The following LARP4B variants were observed in gnomAD, a reference collection of about 807,000 sequenced individuals.
LARP4B encodes the protein La ribonucleoprotein 4B.
LARP4B carries 12 observed loss-of-function variants against 89.8 expected under a neutral mutation model. That is an observed-to-expected ratio of 0.13 (90% CI 0.09 to 0.22). LARP4B has a LOEUF of 0.22. LARP4B is among the 10% of genes least tolerant of loss of function. LARP4B has a pLI of 1.00. For synonymous variants in LARP4B, 367 were observed against 363.3 expected, an observed-to-expected ratio of 1.01 and a Z score of -0.12; for missense variants, 757 against 947.7, an observed-to-expected ratio of 0.80 and a Z score of 2.64.
intron 1 of LARP4B, among the ~76,000 whole-genome samples, chr10:919,713 G>T (rs1399653543): frequency 6.6e-6 from 1 of 152,242 alleles, no homozygotes; most frequent in Non-Finnish European, 1.5e-5. Flanking sequence ...ACACAAAGGT[G>T]ACGGGTATGA....
chr10:825,666 C>A, intron 12 of LARP4B, 98 bp downstream of exon 12: 1 of 774,876 alleles, frequency 1.3e-6, no homozygotes, highest in Non-Finnish European at 2.1e-6. Context: ...GTGGCTCTGT[C>A]TGCGAGGAGC....
intron 1 of LARP4B, among the ~76,000 whole-genome samples, chr10:912,759 G>A (rs145984232): frequency 2.2e-3 from 336 of 151,724 alleles, no homozygotes; most frequent in African/African-American, 7.3e-3. Flanking sequence ...GCATGGTGGC[G>A]TGCGCCTGTG....
chr10:961,060 G>A, the LARP4B span, among the ~76,000 whole-genome samples: 5 of 152,244 alleles, frequency 3.3e-5, no homozygotes, highest in African/African-American at 7.2e-5. Flanking sequence ...ACTGATGCCT[G>A]CTGGAGTGTG....
chr10:888,385 T>A (rs1031195016), intron 1 of LARP4B, among the ~76,000 whole-genome samples: 3 of 147,978 alleles, frequency 2.0e-5, no homozygotes, highest in Non-Finnish European at 4.5e-5. Context: ...CCCAGAAAAT[T>A]ACAAAGTTAA....
intron 1 of LARP4B, among the ~76,000 whole-genome samples, chr10:896,748 A>ACAG (rs1325628294): frequency 6.6e-6 from 1 of 152,208 alleles, no homozygotes; most frequent in African/African-American, 2.4e-5. Flanking sequence ...GTAATGTTTA[A>ACAG]CAGCATAAAG....
chr10:900,301 C>A (rs552449989), intron 1 of LARP4B, among the ~76,000 whole-genome samples: 13 of 151,762 alleles, frequency 8.6e-5, no homozygotes, highest in African/African-American at 3.1e-4. Context: ...GAGCCAAGAT[C>A]GCACCATTGC....
intron 1 of LARP4B, among the ~76,000 whole-genome samples, chr10:917,086 T>G (rs1836841317): frequency 6.6e-6 from 1 of 152,212 alleles, no homozygotes; most frequent in African/African-American, 2.4e-5. Flanking sequence ...AATAAACTGT[T>G]GTGTTCATGA....
At chr10:970,356 A>C in the LARP4B span, among the ~76,000 whole-genome samples, 1 of 152,182 alleles carries the variant, frequency 6.6e-6, no homozygotes. Flanking sequence ...ACTAACACCC[A>C]TCTTTCAGGG....
At chr10:972,423 C>T in the LARP4B span, 2 of 431,458 alleles carry the variant, frequency 4.6e-6, no homozygotes, top group Non-Finnish European at 9.2e-6. Flanking sequence ...AAACATGAGC[C>T]AAAAAAACTT....
downstream of LARP4B, chr10:809,013 AAG>A (rs573421718): frequency 2.0e-5 from 3 of 152,316 alleles, no homozygotes; most frequent in African/African-American, 4.8e-5. Flanking sequence ...CCATCAGAAA[AAG>A]AGTAAAAATG....
intron 9 of LARP4B, among the ~76,000 whole-genome samples, chr10:830,234 C>T (rs966753307): frequency 2.6e-5 from 4 of 152,164 alleles, no homozygotes; most frequent in East Asian, 3.8e-4. Flanking sequence ...CAATATCATC[C>T]GACCACATTC....
chr10:921,146 G>A (rs1207783069), intron 1 of LARP4B, among the ~76,000 whole-genome samples: 1 of 152,000 alleles, frequency 6.6e-6, no homozygotes. Context: ...GGTGGTGCAT[G>A]CCTGTAATCC....
chr10:957,796 C>CTTTTT, the LARP4B span, among the ~76,000 whole-genome samples: 1 of 135,616 alleles, frequency 7.4e-6, no homozygotes, highest in Non-Finnish European at 1.6e-5. Flanking sequence ...AATTCATTTT[C>CTTTTT]TTTCTTTTTT....
intron 1 of LARP4B, among the ~76,000 whole-genome samples, chr10:901,533 G>T: frequency 6.6e-6 from 1 of 152,240 alleles, no homozygotes; most frequent in Non-Finnish European, 1.5e-5. Flanking sequence ...CAGAGCAACA[G>T]ACTGCTGCTT....
chr10:902,169 G>T (rs1235549544), intron 1 of LARP4B, among the ~76,000 whole-genome samples: 1 of 152,124 alleles, frequency 6.6e-6, no homozygotes, highest in Non-Finnish European at 1.5e-5. Context: ...CTGGAGTTTA[G>T]ATCATCTCAT....
chr10:941,646 A>G, the LARP4B span, among the ~76,000 whole-genome samples: 2 of 152,240 alleles, frequency 1.3e-5, no homozygotes, highest in African/African-American at 4.8e-5. Context: ...AGCGATTGCA[A>G]TTCCACCTGG....
At chr10:940,063 G>C in the LARP4B span, among the ~76,000 whole-genome samples, 1 of 134,188 alleles carries the variant, frequency 7.5e-6, no homozygotes, top group Admixed American at 8.3e-5. Flanking sequence ...TGTTGCCCAG[G>C]CTGGAGTGCA....
intron 5 of LARP4B, among the ~76,000 whole-genome samples, chr10:847,520 TTTTC>T (rs1272161313): frequency 6.0e-5 from 9 of 149,010 alleles, no homozygotes; most frequent in South Asian, 2.1e-4. Context: ...CATGAAACTT[TTTTC>T]TTTTTTTTTT....
chr10:930,265 T>A (rs1012290526), intron 1 of LARP4B, among the ~76,000 whole-genome samples: 1 of 152,226 alleles, frequency 6.6e-6, no homozygotes, highest in Non-Finnish European at 1.5e-5. Context: ...TCCCCTTCAA[T>A]GTTCACCTTG....
Sources: allele counts gnomAD v4.1 joint callset (sites outside exome capture counted in the v4.1 genomes callset), GRCh38; gene constraint gnomAD v4.1.1; transcripts MANE v1.5; gene names NCBI Gene and HGNC (gene_info 2026-07-23, HGNC 2026-07-21).